Variants in RAE1 observed in about 807,000 individuals in gnomAD.
RAE1 encodes ribonucleic acid export 1, also known as mRNA export factor RAE1.
A neutral mutation model predicts 52.7 loss-of-function variants in RAE1; 13 were observed. The observed-to-expected ratio is 0.25, with a 90% CI of 0.16 to 0.39. The LOEUF is 0.39. RAE1 is among the 10% of genes least tolerant of loss of function. RAE1 has a pLI of 1.00. For synonymous variants in RAE1, 164 were observed against 153.1 expected (o/e 1.07, Z -0.52); for missense variants, 262 against 459.8 (o/e 0.57, Z 3.93).
chr20:57,361,088 G>GAGAGAGAA lies in RAE1; in HGVS notation c.289-4265_289-4264insGAGAAAGA, dbSNP rs768955987. On this transcript the variant is annotated intron_variant, in intron 4 of 11. Coordinates refer to ENST00000395841, the MANE Select transcript of RAE1 (RefSeq NM_003610.4). ...ATACTTAAGTGGAAAATTAAAGTAT[G>GAGAGAGAA]AGAAAGAAAGAAAGAAAGAAAGAAA... Among the ~76,000 whole-genome samples the GAGAGAGAA allele has an allele frequency of 1.3e-5, 2 of 151,350 alleles. 1 individual carries two copies. The highest frequency in any genetic ancestry group is 4.9e-5 in the African/African-American group (2 of 40,914).
At chr20:57,368,641 C>T (rs896335047) in intron 7 of RAE1, 64 bp from the exon 8 acceptor site, 1 of 1,129,666 alleles carries the variant, frequency 8.9e-7, no homozygotes, top group Non-Finnish European at 1.3e-6. Context: ...TGATCAAATA[C>T]ATTAGTATAA....
chr20:57,374,838 C>G (rs41304419), intron 11 of RAE1, 37 bp downstream of exon 11: 42,251 of 1,609,472 alleles, frequency 0.026, 784 homozygotes, highest in African/African-American at 0.089. Flanking sequence ...TGCTCCAAGG[C>G]AGCAGAGCCA....
intron 4 of RAE1, chr20:57,359,178 G>A (rs909994328): frequency 1.4e-5 from 7 of 486,160 alleles, no homozygotes; most frequent in Non-Finnish European, 2.3e-5. Context: ...TTGGTAAACA[G>A]GCGGGGTAAG....
chr20:57,360,706 GT>G (rs1442815302), intron 4 of RAE1, among the ~76,000 whole-genome samples: 1 of 152,176 alleles, frequency 6.6e-6, no homozygotes, highest in East Asian at 1.9e-4. Flanking sequence ...TTTACGCCAA[GT>G]TCTATTAGCT....
intron 5 of RAE1, among the ~76,000 whole-genome samples, chr20:57,365,954 A>G (rs1278806598): frequency 6.6e-6 from 1 of 152,248 alleles, no homozygotes; most frequent in East Asian, 1.9e-4. Flanking sequence ...TAATGAAGAT[A>G]AGAGAACTTA....
chr20:57,356,226 T>G (rs1447410242), intron 3 of RAE1, among the ~76,000 whole-genome samples: 1 of 152,194 alleles, frequency 6.6e-6, no homozygotes, highest in African/African-American at 2.4e-5. Flanking sequence ...TTATCTGCAA[T>G]TTTATGTGTA....
intron 11 of RAE1, among the ~76,000 whole-genome samples, chr20:57,376,566 C>A (rs1048358472): frequency 6.6e-6 from 1 of 152,160 alleles, no homozygotes; most frequent in Non-Finnish European, 1.5e-5. Context: ...ATCACTTGTC[C>A]GTTACTTTTC....
Position 57,368,789 on chromosome 20 carries a change from A to T in RAE1, c.619A>T (p.Ile207Leu). The change falls in exon 8 of 12, where the codon ATA becomes TTA. Residue 207 changes from isoleucine (I) to leucine (L), a missense_variant. Physicochemically the swap from Ile to Leu is conservative, Grantham distance 5. Transcript: ENST00000395841. The part of the protein sequence containing the change: ...LENQPSEFRR[I>L]ESPLKHQHRC... The stretch of plus-strand genomic sequence containing the variant: ...GAATCAACCTTCTGAATTCAGGAGG[A>T]TAGAATCTCCACTGAAACATCAGGT... 1 of 1,612,692 alleles carries T rather than the reference A, an allele frequency of 6.2e-7. No homozygotes were observed. Among genetic ancestry groups the T allele is most frequent in the Admixed American group, 1.7e-5 (1 of 59,924 alleles).
intron 7 of RAE1, among the ~76,000 whole-genome samples, chr20:57,367,311 G>C (rs570076494): frequency 6.6e-6 from 1 of 151,990 alleles, no homozygotes; most frequent in Non-Finnish European, 1.5e-5. Context: ...CCTGCCACTC[G>C]TTTGAACATA....
intron 8 of RAE1, chr20:57,372,179 T>G (rs1043809765): frequency 6.6e-6 from 1 of 152,254 alleles, no homozygotes; most frequent in South Asian, 2.1e-4. Context: ...CTTACCACAG[T>G]AAAATCAGCA....
intron 8 of RAE1, among the ~76,000 whole-genome samples, chr20:57,369,841 C>G (rs1228938344): frequency 6.6e-6 from 1 of 152,154 alleles, no homozygotes; most frequent in Non-Finnish European, 1.5e-5. Flanking sequence ...TGGGAACTTC[C>G]TCCTCTTTCT....
At chr20:57,369,904 C>G (rs922525803) in intron 8 of RAE1, among the ~76,000 whole-genome samples, 1 of 152,146 alleles carries the variant, frequency 6.6e-6, no homozygotes, top group African/African-American at 2.4e-5. Context: ...GCCTTTTCCC[C>G]CATGAGGTGG....
chr20:57,376,593 C>G (rs1033917187), intron 11 of RAE1, among the ~76,000 whole-genome samples: 1 of 152,186 alleles, frequency 6.6e-6, no homozygotes, highest in African/African-American at 2.4e-5. Flanking sequence ...GGGTAGTATT[C>G]CCGGGTGGGG....
chr20:57,366,973 A>G, intron 6 of RAE1, 35 bp from the exon 7 acceptor site: 1 of 1,589,214 alleles, frequency 6.3e-7, no homozygotes. Flanking sequence ...TCTGCTCTGA[A>G]TGGTCACATA....
intron 4 of RAE1, chr20:57,359,404 T>G (rs985688198): frequency 6.2e-6 from 1 of 162,144 alleles, no homozygotes; most frequent in Non-Finnish European, 1.3e-5. Flanking sequence ...AATAGATTAG[T>G]CCAATGTGAT....
intron 3 of RAE1, 95 bp from the exon 4 acceptor site, chr20:57,356,351 G>A (rs1341307475): frequency 7.1e-6 from 6 of 845,470 alleles, no homozygotes; most frequent in African/African-American, 5.0e-5. Flanking sequence ...AGAAGTCTAT[G>A]TATGGTTAAG....
chr20:57,356,139 G>C (rs1332296712), intron 3 of RAE1, among the ~76,000 whole-genome samples: 1 of 152,134 alleles, frequency 6.6e-6, no homozygotes. Flanking sequence ...TTTCTACTTT[G>C]GTCTTGATTC....
At chr20:57,351,644 C>T (rs2066710768) in intron 1 of RAE1, 3 of 985,554 alleles carry the variant, frequency 3.0e-6, no homozygotes, top group African/African-American at 1.7e-5. Flanking sequence ...AACTGAGCCT[C>T]TGGGAAGGGT....
intron 7 of RAE1, among the ~76,000 whole-genome samples, chr20:57,368,078 G>T (rs759634037): frequency 1.3e-5 from 2 of 152,096 alleles, no homozygotes; most frequent in African/African-American, 4.8e-5. Context: ...TAGTAGAGAC[G>T]GGGTTTCACA....
Sources: gnomAD v4.1 joint callset for allele counts (sites outside exome capture counted in the v4.1 genomes callset) on GRCh38, gnomAD v4.1.1 for gene constraint, MANE v1.5 for transcripts, NCBI Gene and HGNC (gene_info 2026-07-23, HGNC 2026-07-21) for gene names.